The following MOBP variants were observed in gnomAD, a reference collection of about 807,000 sequenced individuals.
The protein encoded by MOBP is myelin associated oligodendrocyte basic protein.
MOBP carries 5 observed loss-of-function variants against 15.0 expected under a neutral mutation model. The observed-to-expected ratio is 0.33, with a 90% CI of 0.17 to 0.70. MOBP has a LOEUF of 0.70. Ranked by LOEUF, MOBP falls within the 30% of genes least tolerant of loss-of-function variation. MOBP has a pLI of 0.67. For missense variants in MOBP, 188 were observed against 257.8 expected, an observed-to-expected ratio of 0.73 and a Z score of 1.85; for synonymous variants, 88 against 99.0, an observed-to-expected ratio of 0.89 and a Z score of 0.66.
downstream of MOBP, among the ~76,000 whole-genome samples, chr3:39,506,249 T>C (rs2043046632): frequency 6.6e-6 from 1 of 152,190 alleles, no homozygotes; most frequent in Admixed American, 6.5e-5. Context: ...TTAGACAAAT[T>C]TTAAAAAGAA....
chr3:39,524,450 A>C (rs927780168), exon 5 of MOBP: 2 of 152,138 alleles, frequency 1.3e-5, no homozygotes, highest in Admixed American at 6.6e-5. Flanking sequence ...TCAGGACTCA[A>C]GTTTCTTCAA....
At chr3:39,511,302 T>C (rs1053615103) in intron 4 of MOBP, among the ~76,000 whole-genome samples, 6 of 152,228 alleles carry the variant, frequency 3.9e-5, no homozygotes, top group African/African-American at 1.4e-4. Context: ...CCAAAGACTA[T>C]GGCACTTTCT....
At chr3:39,509,854 C>T (rs907698986) in intron 4 of MOBP, among the ~76,000 whole-genome samples, 9 of 152,044 alleles carry the variant, frequency 5.9e-5, no homozygotes, top group African/African-American at 1.9e-4. Flanking sequence ...CCCCAGGGAC[C>T]CCCAGCAGGG....
downstream of MOBP, chr3:39,528,300 T>G (rs1361647501): frequency 6.6e-6 from 1 of 152,234 alleles, no homozygotes; most frequent in African/African-American, 2.4e-5. Context: ...CAAGCTTATT[T>G]GTAGACCTAG....
At chr3:39,518,178 C>G (rs1417032480), downstream of MOBP, among the ~76,000 whole-genome samples, 1 of 152,152 alleles carries the variant, frequency 6.6e-6, no homozygotes, top group Non-Finnish European at 1.5e-5. Flanking sequence ...CTGTGGGACC[C>G]AGTAGTGGTA....
chr3:39,491,040 G>A (rs1245042282), intron 2 of MOBP, among the ~76,000 whole-genome samples: 2 of 152,154 alleles, frequency 1.3e-5, no homozygotes, highest in African/African-American at 4.8e-5. Context: ...GAAATTCTGT[G>A]TCCTATGGAG....
chr3:39,478,320 T>G (rs1287191471), intron 1 of MOBP, among the ~76,000 whole-genome samples: 1 of 152,234 alleles, frequency 6.6e-6, no homozygotes, highest in East Asian at 1.9e-4. Flanking sequence ...CAGTATTCAG[T>G]ACAGTTACAT....
chr3:39,471,613 T>C (rs1272289179), intron 1 of MOBP, among the ~76,000 whole-genome samples: 1 of 152,108 alleles, frequency 6.6e-6, no homozygotes, highest in African/African-American at 2.4e-5. Flanking sequence ...CAACCCCAAG[T>C]CTGGAACGTC....
chr3:39,473,646 G>A (rs1160713306), intron 1 of MOBP, among the ~76,000 whole-genome samples: 1 of 152,160 alleles, frequency 6.6e-6, no homozygotes, highest in Non-Finnish European at 1.5e-5. Flanking sequence ...GCATATAAAT[G>A]GCAGCTCACA....
Position 39,502,988 on chromosome 3 carries a change from G to A in MOBP, c.*108G>A. The stretch of plus-strand genomic sequence containing the variant: ...CCTCTTCAGCCTTATTACCCAACCT[G>A]TGTAATCAGCTCCCTCCATTAAATC... On this transcript the variant is annotated 3_prime_UTR_variant, in exon 4 of 4. Transcript: ENST00000684792. This position sits in a 1 kb window ranked among gnomAD's most constrained non-coding sequence, Gnocchi z 6.3. The A allele has an allele frequency of 1.7e-6, 1 of 599,698 alleles. No homozygotes were observed. The allele number at this position is 599,698 out of a possible 1,614,324, so 37.1% of individuals were successfully genotyped here. A position where few individuals can be genotyped will look rare whatever the true frequency, so the allele number is the denominator to read the frequency against.
chr3:39,501,214 A>G lies in MOBP; in HGVS notation c.-4-852A>G, dbSNP rs536636698. Among the ~76,000 whole-genome samples the G allele has an allele frequency of 1.9e-4, 29 of 152,352 alleles. No homozygotes were observed. The South Asian group carries it at 3.7e-3, about 20-fold the overall frequency. On this transcript the variant is annotated intron_variant, in intron 2 of 3. Coordinates refer to ENST00000684792, the MANE Select transcript of MOBP (RefSeq NM_001393704.1). ...TTGGCCAACATAACAGTGTTTTGTAATTACATACTGCACATATGCATCTCC... is the reference window on the plus strand; with the variant it reads ...TTGGCCAACATAACAGTGTTTTGTAGTTACATACTGCACATATGCATCTCC...
At chr3:39,503,392 A>G (rs2043005058), downstream of MOBP, among the ~76,000 whole-genome samples, 1 of 152,178 alleles carries the variant, frequency 6.6e-6, no homozygotes, top group African/African-American at 2.4e-5. Context: ...TGCTGGGGGA[A>G]GGGAATATGG....
intron 1 of MOBP, among the ~76,000 whole-genome samples, chr3:39,475,014 A>G (rs187913576): frequency 5.7e-4 from 87 of 152,274 alleles, no homozygotes; most frequent in African/African-American, 2.0e-3. Context: ...CTAAAGTCCT[A>G]TTTCTGTCAG....
intron 1 of MOBP, among the ~76,000 whole-genome samples, chr3:39,479,361 T>C (rs2042592292): frequency 6.6e-6 from 1 of 152,074 alleles, no homozygotes; most frequent in Non-Finnish European, 1.5e-5. Context: ...GAAGCTATTT[T>C]TGTGTCTAGA....
downstream of MOBP, among the ~76,000 whole-genome samples, chr3:39,520,655 T>C (rs1278380689): frequency 6.6e-6 from 1 of 152,104 alleles, no homozygotes; most frequent in Non-Finnish European, 1.5e-5. Context: ...TTTTACTTTT[T>C]GTAGCTTTCT....
chr3:39,468,679 A>AATATGTGTGTGTATATACATATATAC lies in MOBP; in HGVS notation c.-89+983_-89+1008dup, dbSNP rs1559411314. Among the ~76,000 whole-genome samples, 58 of 138,674 alleles carry AATATGTGTGTGTATATACATATATAC rather than the reference A, an allele frequency of 4.2e-4. 11 individuals are homozygous for AATATGTGTGTGTATATACATATATAC. The highest frequency in any genetic ancestry group is 6.8e-4 in the Non-Finnish European group (44 of 65,102). 91.0% of individuals were successfully genotyped at this position (138,674 alleles called of 152,430 possible). On this transcript the variant is annotated intron_variant, in intron 1 of 3. Transcript: ENST00000684792. ...CCATACATATGGGTGTATATATAAA[A>AATATGTGTGTGTATATACATATATAC]ATATGTGTGTGTATATACATATATA...
At chr3:39,468,800 A>ATACATATATACATGTGTGTGTATACATAT (rs2042390047) in intron 1 of MOBP, among the ~76,000 whole-genome samples, 1 of 122,624 alleles carries the variant, frequency 8.2e-6, no homozygotes, top group Admixed American at 7.6e-5. Context: ...GTGTGTATAT[A>ATACATATATACATGTGTGTGTATACATAT]TACATATGTG....
At chr3:39,485,764 T>A (rs1344781658) in intron 2 of MOBP, among the ~76,000 whole-genome samples, 1 of 152,094 alleles carries the variant, frequency 6.6e-6, no homozygotes, top group African/African-American at 2.4e-5. Flanking sequence ...TTGGCTGCTT[T>A]CCCCCTACCT....
downstream of MOBP, among the ~76,000 whole-genome samples, chr3:39,517,276 G>A (rs1346584231): frequency 2.0e-5 from 3 of 152,128 alleles, no homozygotes; most frequent in Non-Finnish European, 4.4e-5. Flanking sequence ...TTACATCACA[G>A]GATGCTTTGT....
Sources: allele counts gnomAD v4.1 joint callset (sites outside exome capture counted in the v4.1 genomes callset), GRCh38; gene constraint gnomAD v4.1.1; non-coding constraint Gnocchi (gnomAD v3.1); transcripts MANE v1.5; gene names NCBI Gene and HGNC (gene_info 2026-07-23, HGNC 2026-07-21).